LIN28B: variants seen among roughly 807,000 people sequenced by gnomAD.
LIN28B encodes the protein lin-28 RNA binding posttranscriptional regulator B, also known as protein lin-28 homolog B.
Under a neutral mutation model 21.9 loss-of-function variants are expected in LIN28B, and 5 were observed. The ratio of observed to expected loss-of-function variants is 0.23; its 90% confidence interval spans 0.12 to 0.48. LIN28B has a LOEUF of 0.48. Ranked by LOEUF, LIN28B falls within the 20% of genes least tolerant of loss-of-function variation. The pLI is 0.98. For synonymous variants in LIN28B, 109 were observed against 111.3 expected (o/e 0.98, Z 0.13); for missense variants, 245 against 310.5 (o/e 0.79, Z 1.58).
intron 3 of LIN28B, among the ~76,000 whole-genome samples, chr6:105,072,303 T>C (rs567130848): frequency 2.0e-5 from 3 of 152,286 alleles, no homozygotes; most frequent in Admixed American, 2.0e-4. Context: ...TCCCAATTCA[T>C]AGGCTTTGGG....
chr6:105,013,265 C>A (rs1428680173), intron 2 of LIN28B, among the ~76,000 whole-genome samples: 1 of 151,992 alleles, frequency 6.6e-6, no homozygotes, highest in East Asian at 1.9e-4. Flanking sequence ...CCTGCCTCTG[C>A]CTCCCAAACT....
rs192468893 is a variant in LIN28B at position 105,034,647 on chromosome 6, T to C, written c.383+8165T>C. On this transcript the variant is annotated intron_variant, in intron 3 of 3. Coordinates refer to ENST00000345080, the MANE Select transcript of LIN28B (RefSeq NM_001004317.4). Reference sequence around the variant, plus strand: ...ATGGTACATCATGGTGTATTTATCATTTATGATCAGAAAGACCAAGATGAA... The same window carrying C: ...ATGGTACATCATGGTGTATTTATCACTTATGATCAGAAAGACCAAGATGAA... 6.2e-4 allele frequency among the ~76,000 whole-genome samples: 95 copies of C among 152,174 alleles called. 1 individual carries two copies. The highest frequency in any genetic ancestry group is 2.2e-3 in the African/African-American group (92 of 41,584).
At chr6:105,046,601 C>T (rs1255946376) in intron 3 of LIN28B, among the ~76,000 whole-genome samples, 9 of 152,092 alleles carry the variant, frequency 5.9e-5, no homozygotes, top group African/African-American at 2.2e-4. Flanking sequence ...CACTGACTTC[C>T]ACAATGGTTG....
chr6:105,046,720 G>A (rs1242171907), intron 3 of LIN28B, among the ~76,000 whole-genome samples: 3 of 152,186 alleles, frequency 2.0e-5, no homozygotes, highest in Non-Finnish European at 2.9e-5. Context: ...TAACTGGTGT[G>A]AGATGGTATC....
chr6:105,002,099 C>A (rs991486508), intron 2 of LIN28B, among the ~76,000 whole-genome samples: 87 of 151,642 alleles, frequency 5.7e-4, no homozygotes, highest in Non-Finnish European at 9.9e-4. Flanking sequence ...CTGGAAAGAT[C>A]CCCCGGGGCT....
rs192781147 is a variant in LIN28B, at chr6:105,008,568, C to A, written c.199-17730C>A. Among the ~76,000 whole-genome samples, 11 of 150,722 alleles carry A rather than the reference C, an allele frequency of 7.3e-5. No individual in the cohort carries two copies. In the East Asian group the frequency reaches 1.8e-3, roughly 24 times the overall value. On this transcript the variant is annotated intron_variant, in intron 2 of 3. Coordinates refer to ENST00000345080, the MANE Select transcript of LIN28B (RefSeq NM_001004317.4). ...CTGAGGCAGGAGAATGGCGTGAACC[C>A]GGGAGGTGGAGTTTGCAGTGAGCCG...
At chr6:105,033,726 A>G (rs2114353840) in intron 3 of LIN28B, among the ~76,000 whole-genome samples, 1 of 152,066 alleles carries the variant, frequency 6.6e-6, no homozygotes, top group Non-Finnish European at 1.5e-5. Flanking sequence ...TAAAAAATTA[A>G]GAAATGTTAT....
intron 3 of LIN28B, among the ~76,000 whole-genome samples, chr6:105,055,919 CTTTTTT>C (rs71006633): frequency 2.4e-5 from 2 of 83,376 alleles, no homozygotes; most frequent in African/African-American, 9.3e-5. Flanking sequence ...CCATGCCTGG[CTTTTTT>C]TTTTTTTTTT....
intron 2 of LIN28B, among the ~76,000 whole-genome samples, chr6:104,987,032 A>G (rs74501403): frequency 0.099 from 14,994 of 152,218 alleles, 788 homozygotes; most frequent in Middle Eastern, 0.11. Context: ...CTTTCTTCCC[A>G]AGTAAAACAT....
At chr6:104,989,874 C>T (rs1267934040) in intron 2 of LIN28B, among the ~76,000 whole-genome samples, 3 of 152,100 alleles carry the variant, frequency 2.0e-5, no homozygotes, top group Non-Finnish European at 4.4e-5. Flanking sequence ...TTACTACAAG[C>T]ATGAGCCACC....
intron 2 of LIN28B, among the ~76,000 whole-genome samples, chr6:104,993,611 G>A (rs547423393): frequency 3.9e-5 from 6 of 152,258 alleles, no homozygotes; most frequent in Admixed American, 1.3e-4. Context: ...CGAGGTGGGT[G>A]GATTGCTCGA....
rs552445596 is a variant in LIN28B at position 105,050,120 on chromosome 6, G to GT, written c.383+23643dup. On this transcript the variant is annotated intron_variant, in intron 3 of 3. Transcript: ENST00000345080. ...ATGAATGGTCTTTACAATTTGGCAT[G>GT]TTTTTGCAGTGGCTGGTACTGGTTG... 1.2e-3 allele frequency among the ~76,000 whole-genome samples: 187 copies of GT among 152,320 alleles called. 1 individual carries two copies. Among genetic ancestry groups the GT allele is most frequent in the African/African-American group, 4.1e-3 (172 of 41,576 alleles).
chr6:104,943,646 AT>A (rs979619093), intron 2 of LIN28B, among the ~76,000 whole-genome samples: 1 of 152,108 alleles, frequency 6.6e-6, no homozygotes, highest in Non-Finnish European at 1.5e-5. Flanking sequence ...CTTATTAGGT[AT>A]TTTTTAATAG....
intron 2 of LIN28B, among the ~76,000 whole-genome samples, chr6:105,013,431 A>C (rs1582895535): frequency 6.6e-6 from 1 of 151,652 alleles, no homozygotes; most frequent in East Asian, 1.9e-4. Flanking sequence ...TCATTTGCTT[A>C]CTTTTAAAAA....
At chr6:105,074,856 C>A (rs954128753) in intron 3 of LIN28B, among the ~76,000 whole-genome samples, 1 of 152,100 alleles carries the variant, frequency 6.6e-6, no homozygotes, top group African/African-American at 2.4e-5. Context: ...CAGGTGTGCC[C>A]CGCCACACCT....
At chr6:104,946,159 T>C (rs755988424) in intron 2 of LIN28B, among the ~76,000 whole-genome samples, 113 of 152,168 alleles carry the variant, frequency 7.4e-4, no homozygotes, top group Non-Finnish European at 4.6e-4. Flanking sequence ...TTCTGTTCTC[T>C]TGATAATTGT....
In LIN28B at chr6:104,958,147, C is replaced by T. The variant is rs773463112; in HGVS notation, c.59C>T (p.Pro20Leu). The T allele has an allele frequency of 3.1e-6, 5 of 1,606,024 alleles. No homozygotes were observed. Among genetic ancestry groups the T allele is most frequent in the South Asian group, 1.1e-5 (1 of 90,082 alleles). The part of the protein sequence containing the change: ...GGEEPGKLPE[P>L]AEEESQVLRG... ...GAAGAGCCCGGGAAGCTGCCGGAGC[C>T]GGCAGAGGAGGAATCCCAGGTTTTG... The change falls in exon 2 of 4, where the codon CCG becomes CTG. Residue 20 changes from proline to leucine, a missense_variant. Coordinates refer to ENST00000345080, the MANE Select transcript of LIN28B (RefSeq NM_001004317.4).
At chr6:105,050,541 G>A (rs933192884) in intron 3 of LIN28B, among the ~76,000 whole-genome samples, 1 of 144,142 alleles carries the variant, frequency 6.9e-6, no homozygotes, top group Non-Finnish European at 1.5e-5. Context: ...AGCGGAGCTT[G>A]CAGTGAGCTG....
At chr6:105,076,089 C>T (rs917579910) in intron 3 of LIN28B, among the ~76,000 whole-genome samples, 2 of 152,082 alleles carry the variant, frequency 1.3e-5, no homozygotes, top group Admixed American at 6.6e-5. Flanking sequence ...GAATTTTAAG[C>T]ATTAGCAAGT....
Sources: gnomAD v4.1 joint callset for allele counts (sites outside exome capture counted in the v4.1 genomes callset) on GRCh38, gnomAD v4.1.1 for gene constraint, MANE v1.5 for transcripts, NCBI Gene and HGNC (gene_info 2026-07-23, HGNC 2026-07-21) for gene names.